NBPF10: variants seen among roughly 807,000 people sequenced by gnomAD.
NBPF10 encodes NBPF member 10, also known as NBPF family member NBPF10.
Under a neutral mutation model 77.9 loss-of-function variants are expected in NBPF10, and 63 were observed. The ratio of observed to expected loss-of-function variants is 0.81; its 90% CI spans 0.66 to 1.00. The LOEUF (loss-of-function observed/expected upper bound fraction) is 1.00, where lower values mean the gene tolerates loss of function less well. Among genes scored for constraint, NBPF10 ranks in the 50% least tolerant of loss-of-function variants. The pLI, the probability that NBPF10 is intolerant of heterozygous loss-of-function variation, is 0.00. For synonymous variants in NBPF10, 146 were observed against 264.5 expected (o/e 0.55, Z 4.35); for missense variants, 522 against 679.8 (o/e 0.77, Z 2.58).
chr1:146,141,735 C>T lies in NBPF10; in HGVS notation c.362G>A (p.Arg121His), dbSNP rs781992398. ...GGCCTGGAGATGCTCATACAATGAG[C>T]GGGAGGCATCTCTCCCTTCCCGTAA... Residue 121 changes from arginine to histidine, a missense_variant, in exon 3 of 90, where the codon CGC becomes CAC. Physicochemically the swap from Arg to His is conservative, Grantham distance 29. Around this residue, in one of 9 missense-constraint regions of NBPF10, gnomAD observed 71 missense variants for 114.9 expected, o/e 0.62. Transcript: ENST00000583866. 300 of 1,313,962 alleles carry T rather than the reference C, an allele frequency of 2.3e-4. 77 individuals are homozygous for T. Among genetic ancestry groups the T allele is most frequent in the Non-Finnish European group, 2.9e-4 (274 of 948,920 alleles). The allele number at this position is 1,313,962 out of a possible 1,614,324, so 81.4% of individuals were successfully genotyped here. A position where few individuals can be genotyped will look rare whatever the true frequency, so the allele number is the denominator to read the frequency against.
At chr1:146,068,257 A>C in intron 87 of NBPF10, 82 bp from the exon 88 acceptor site, 2 of 228,966 alleles carry the variant, frequency 8.7e-6, no homozygotes, top group East Asian at 7.4e-5. Context: ...TGGCTAACAT[A>C]AGGAACTGTT....
intron 85 of NBPF10, 124 bp from the exon 86 acceptor site, chr1:146,069,839 G>A (rs1263576082): frequency 1.8e-6 from 1 of 549,224 alleles, no homozygotes; most frequent in South Asian, 1.8e-5. Flanking sequence ...CATTAATGAG[G>A]TAACAAATTA....
At chr1:146,134,243 TTCA>T (rs1659479103) in exon 9 of NBPF10, 2 of 1,599,954 alleles carry the variant, frequency 1.3e-6, no homozygotes, top group African/African-American at 1.4e-5. Context: ...CTTGAACATC[TTCA>T]TCGTCATCGT....
chr1:146,129,416 GAA>G (rs1206631130), intron 11 of NBPF10, among the ~76,000 whole-genome samples: 2 of 140,498 alleles, frequency 1.4e-5, no homozygotes, highest in Non-Finnish European at 3.0e-5. Flanking sequence ...TCAAATTAGT[GAA>G]ATGAAGCAAG....
intron 11 of NBPF10, among the ~76,000 whole-genome samples, chr1:146,129,367 A>G (rs1294714570): frequency 1.6e-4 from 23 of 139,886 alleles, no homozygotes; most frequent in African/African-American, 5.9e-4. Flanking sequence ...TCAGTAGCCA[A>G]TTCGATCAAG....
chr1:146,143,713 ACTCT>A (rs1660528031), intron 1 of NBPF10, among the ~76,000 whole-genome samples: 1 of 133,470 alleles, frequency 7.5e-6, no homozygotes, highest in Non-Finnish European at 1.6e-5. Flanking sequence ...TCACCAAGGT[ACTCT>A]CTGCTTTTTA....
Position 146,142,632 on chromosome 1 carries a change from C to G in NBPF10, c.278+18G>C, listed in dbSNP as rs57038850. 11 of 1,308,960 alleles carry G rather than the reference C, an allele frequency of 8.4e-6. 1 individual carries two copies. The highest frequency in any genetic ancestry group is 5.4e-5 in the South Asian group (4 of 74,694). 81.1% of individuals were successfully genotyped at this position (1,308,960 alleles called of 1,614,324 possible). Reference sequence around the variant, plus strand: ...CTACACACCTACCCGCCTGCCTCCCCCTATGGGGTCCCCTCACCTGAGCTC... The same window carrying G: ...CTACACACCTACCCGCCTGCCTCCCGCTATGGGGTCCCCTCACCTGAGCTC... On this transcript the variant is annotated intron_variant, in intron 2 of 89. Transcript: ENST00000583866.
intron 11 of NBPF10, among the ~76,000 whole-genome samples, chr1:146,129,986 T>A (rs1463318199): frequency 1.2e-5 from 1 of 82,420 alleles, no homozygotes; most frequent in African/African-American, 5.6e-5. Flanking sequence ...ATGTCCACAT[T>A]GGTGTGCTTC....
At chr1:146,139,269 T>C (rs1326086997) in intron 5 of NBPF10, among the ~76,000 whole-genome samples, 2 of 150,726 alleles carry the variant, frequency 1.3e-5, no homozygotes, top group African/African-American at 4.9e-5. Flanking sequence ...CCAGCTATTT[T>C]TTTTTTTTTT....
At chr1:146,141,942 T>C in intron 2 of NBPF10, 124 bp from the exon 3 acceptor site, 11 of 783,816 alleles carry the variant, frequency 1.4e-5, no homozygotes, top group Non-Finnish European at 2.2e-5. Flanking sequence ...TCAGCACATG[T>C]TGAAAGGAAT....
intron 86 of NBPF10, 69 bp downstream of exon 86, chr1:146,069,474 T>C: frequency 1.6e-6 from 1 of 633,934 alleles, no homozygotes; most frequent in South Asian, 1.5e-5. Context: ...AAGGGCCACT[T>C]GCAGTAGGAA....
chr1:146,067,800 T>G (rs1357970674), intron 88 of NBPF10, among the ~76,000 whole-genome samples: 1 of 151,806 alleles, frequency 6.6e-6, no homozygotes, highest in East Asian at 2.0e-4. Context: ...GGCCTGAGAC[T>G]AGGAAGAGAG....
intron 13 of NBPF10, among the ~76,000 whole-genome samples, 186 bp from the exon 14 acceptor site, chr1:146,126,594 AAGACAC>A (rs1441092404): frequency 3.8e-5 from 3 of 78,726 alleles, no homozygotes; most frequent in Non-Finnish European, 8.9e-5. Context: ...ATGAACGAGA[AAGACAC>A]ACACACACAC....
intron 14 of NBPF10, 74 bp downstream of exon 14, chr1:146,126,162 C>T (rs1658605145): frequency 2.2e-6 from 2 of 917,252 alleles, no homozygotes; most frequent in Non-Finnish European, 3.6e-6. Flanking sequence ...TCAGTAACGG[C>T]CACTTGCAGT....
chr1:146,069,901 AAGAC>A (rs1403420102), intron 85 of NBPF10, among the ~76,000 whole-genome samples, 186 bp from the exon 86 acceptor site: 2 of 113,490 alleles, frequency 1.8e-5, no homozygotes, highest in Non-Finnish European at 3.9e-5. Context: ...ATGAAAGAGA[AAGAC>A]AGACAGAGAC....
chr1:146,139,088 CTTACTTTTT>C (rs1660007413), intron 5 of NBPF10, among the ~76,000 whole-genome samples: 1 of 108,740 alleles, frequency 9.2e-6, no homozygotes, highest in Non-Finnish European at 2.0e-5. Flanking sequence ...TGGTCAGAGA[CTTACTTTTT>C]TTTTTTTTTT....
chr1:146,067,558 T>G (rs587599479), intron 88 of NBPF10, among the ~76,000 whole-genome samples: 5 of 150,156 alleles, frequency 3.3e-5, no homozygotes, highest in African/African-American at 1.2e-4. Flanking sequence ...ACGCCATATT[T>G]TTCCAATCAA....
intron 13 of NBPF10, among the ~76,000 whole-genome samples, chr1:146,126,654 G>T (rs1231908162): frequency 5.6e-5 from 8 of 143,580 alleles, no homozygotes; most frequent in Non-Finnish European, 1.5e-5. Context: ...TCAGTCAATT[G>T]GTCAGGTGAC....
At chr1:146,121,999 A>T (rs1658235912) in intron 19 of NBPF10, among the ~76,000 whole-genome samples, 1 of 100,880 alleles carries the variant, frequency 9.9e-6, no homozygotes, top group Non-Finnish European at 2.0e-5. Flanking sequence ...TGATCATGAA[A>T]AGAGTGAGCT....
Sources: allele counts gnomAD v4.1 joint callset (sites outside exome capture counted in the v4.1 genomes callset), GRCh38; gene constraint gnomAD v4.1.1; regional missense constraint gnomAD v4.1.1; transcripts MANE v1.5; gene names NCBI Gene and HGNC (gene_info 2026-07-23, HGNC 2026-07-21).